Variants in WDR1 observed in about 807,000 individuals in gnomAD.
WDR1 encodes the protein WD repeat-containing protein 1.
Under a neutral mutation model 71.9 loss-of-function variants are expected in WDR1, and 21 were observed. The observed-to-expected ratio is 0.29, with a 90% confidence interval of 0.21 to 0.42. The LOEUF (loss-of-function observed/expected upper bound fraction) is 0.42, where lower values mean the gene tolerates loss of function less well. Ranked by LOEUF, WDR1 falls within the 10% of genes least tolerant of loss-of-function variation. The probability of loss-of-function intolerance (pLI) is 1.00; values close to 1 mark genes in which losing one functional copy is unlikely to be tolerated. For missense variants in WDR1, 696 were observed against 824.5 expected (o/e 0.84, Z 1.91); for synonymous variants, 424 against 347.4 (o/e 1.22, Z -2.45).
At chr4:10,111,216 T>G (rs1713335927) in intron 2 of WDR1, among the ~76,000 whole-genome samples, 1 of 152,202 alleles carries the variant, frequency 6.6e-6, no homozygotes, top group Non-Finnish European at 1.5e-5. Context: ...GTGAGCCACC[T>G]GCCACCACTG....
At chr4:10,090,241 T>C (rs1711881571) in intron 5 of WDR1, among the ~76,000 whole-genome samples, 1 of 152,160 alleles carries the variant, frequency 6.6e-6, no homozygotes, top group Non-Finnish European at 1.5e-5. Context: ...TGCGGCACAC[T>C]AACACATGTC....
Position 10,087,617 on chromosome 4 carries a change from G to T in WDR1, c.951+90C>A, listed in dbSNP as rs1711669058. 4.7e-6 allele frequency: 6 copies of T among 1,284,908 alleles called. No individual in the cohort carries two copies. In the South Asian group the frequency reaches 6.1e-5, roughly 13 times the overall value. 79.6% of individuals were successfully genotyped at this position (1,284,908 alleles called of 1,614,324 possible). Reference sequence around the variant, plus strand: ...GAGGACACCTCTCTAGCTTCCACCTGGCTTCCCCTCGGTTCCCCTTCCTTG... The same window carrying T: ...GAGGACACCTCTCTAGCTTCCACCTTGCTTCCCCTCGGTTCCCCTTCCTTG... On this transcript the variant is annotated intron_variant, in intron 8 of 14. Coordinates refer to ENST00000499869, the MANE Select transcript of WDR1 (RefSeq NM_017491.5).
At chr4:10,085,049 G>A (rs1005642104) in intron 8 of WDR1, among the ~76,000 whole-genome samples, 3 of 152,224 alleles carry the variant, frequency 2.0e-5, no homozygotes, top group Admixed American at 6.5e-5. Flanking sequence ...GGCTGTCCGT[G>A]AACGCTGACG....
chr4:10,109,160 C>G (rs139824690), intron 2 of WDR1, among the ~76,000 whole-genome samples: 1 of 152,262 alleles, frequency 6.6e-6, no homozygotes, highest in Non-Finnish European at 1.5e-5. Flanking sequence ...ACCTCATAAT[C>G]CCACATGACA....
At chr4:10,083,514 T>C in intron 9 of WDR1, 1 of 484,822 alleles carries the variant, frequency 2.1e-6, no homozygotes, top group South Asian at 1.5e-5. Flanking sequence ...TCTTTATGTT[T>C]TGGGGGCAGA....
intron 3 of WDR1, among the ~76,000 whole-genome samples, chr4:10,103,687 G>A (rs1438780016): frequency 3.9e-5 from 6 of 152,294 alleles, no homozygotes; most frequent in Admixed American, 2.6e-4. Context: ...ATGGGCCACC[G>A]GTTGGACAAG....
At chr4:10,077,550 T>G in intron 13 of WDR1, 102 bp from the exon 14 acceptor site, 1 of 1,560,820 alleles carries the variant, frequency 6.4e-7, no homozygotes. Flanking sequence ...GGACCGAGGT[T>G]TCTCACGCGC....
chr4:10,101,077 C>G (rs1712655059), intron 3 of WDR1, among the ~76,000 whole-genome samples: 1 of 152,262 alleles, frequency 6.6e-6, no homozygotes, highest in African/African-American at 2.4e-5. Flanking sequence ...TCACATGGCC[C>G]TCGCCAACTC....
intron 2 of WDR1, among the ~76,000 whole-genome samples, chr4:10,106,765 G>T (rs1713045186): frequency 6.6e-6 from 1 of 152,198 alleles, no homozygotes; most frequent in Non-Finnish European, 1.5e-5. Flanking sequence ...GTCAGCGGTG[G>T]GGGCTGAGAT....
intron 11 of WDR1, 129 bp downstream of exon 11, chr4:10,081,228 G>T: frequency 1.3e-6 from 1 of 747,546 alleles, no homozygotes; most frequent in Non-Finnish European, 2.3e-6. Flanking sequence ...AGATCCCTTA[G>T]TGCAGTGCAA....
At chr4:10,104,491 C>G (rs1323357534) in intron 2 of WDR1, among the ~76,000 whole-genome samples, 1 of 152,196 alleles carries the variant, frequency 6.6e-6, no homozygotes, top group Non-Finnish European at 1.5e-5. Flanking sequence ...GGAGCCCTCT[C>G]TATCAAAAAC....
At chr4:10,107,484 G>A (rs1052944821) in intron 2 of WDR1, among the ~76,000 whole-genome samples, 22 of 152,128 alleles carry the variant, frequency 1.4e-4, no homozygotes, top group African/African-American at 4.6e-4. Context: ...GCTCCCTCCA[G>A]GCTTCAGCCC....
At chr4:10,114,412 C>T (rs950981015) in intron 2 of WDR1, among the ~76,000 whole-genome samples, 1 of 152,238 alleles carries the variant, frequency 6.6e-6, no homozygotes, top group Non-Finnish European at 1.5e-5. Context: ...CTAAGTCTGA[C>T]TCCTCTTTAG....
chr4:10,077,654 C>T, intron 13 of WDR1, 99 bp downstream of exon 13: 1 of 1,465,056 alleles, frequency 6.8e-7, no homozygotes, highest in South Asian at 1.4e-5. Context: ...AACTACAGCT[C>T]AGACAGGCTC....
At chr4:10,110,578 C>T in intron 2 of WDR1, among the ~76,000 whole-genome samples, 1 of 152,134 alleles carries the variant, frequency 6.6e-6, no homozygotes, top group Non-Finnish European at 1.5e-5. Context: ...TCCTGGAGAA[C>T]TCTTATTCAT....
intron 1 of WDR1, 127 bp from the exon 2 acceptor site, chr4:10,116,361 C>A (rs765055892): frequency 2.1e-6 from 3 of 1,398,078 alleles, no homozygotes; most frequent in Non-Finnish European, 2.9e-6. Flanking sequence ...GCGGCCTCCA[C>A]TTTCCACGAG....
intron 2 of WDR1, among the ~76,000 whole-genome samples, chr4:10,107,259 G>C (rs1446844601): frequency 6.6e-6 from 1 of 152,168 alleles, no homozygotes; most frequent in African/African-American, 2.4e-5. Context: ...GTGGGAGGCT[G>C]CCGTTCAGTC....
chr4:10,102,767 C>A (rs1374615655), intron 3 of WDR1, among the ~76,000 whole-genome samples: 1 of 152,152 alleles, frequency 6.6e-6, no homozygotes, highest in Non-Finnish European at 1.5e-5. Context: ...AGCATAGGGC[C>A]ACGGCGTGCA....
chr4:10,086,316 T>A (rs1711544508), intron 8 of WDR1, among the ~76,000 whole-genome samples: 1 of 152,158 alleles, frequency 6.6e-6, no homozygotes, highest in African/African-American at 2.4e-5. Flanking sequence ...GCGCTCCCGA[T>A]TCCCCTCTAT....
Sources: gnomAD v4.1 joint callset for allele counts (sites outside exome capture counted in the v4.1 genomes callset) on GRCh38, gnomAD v4.1.1 for gene constraint, MANE v1.5 for transcripts, NCBI Gene and HGNC (gene_info 2026-07-23, HGNC 2026-07-21) for gene names.